CLSTN2: variants seen among roughly 807,000 people sequenced by gnomAD.
CLSTN2 encodes the protein calsyntenin 2, also known as calsyntenin-2.
In CLSTN2, 48 loss-of-function variants were observed where a neutral mutation model predicts 101.2. The ratio of observed to expected loss-of-function variants is 0.47; its 90% CI spans 0.38 to 0.60. The LOEUF (loss-of-function observed/expected upper bound fraction) is 0.60, where lower values mean the gene tolerates loss of function less well. Among genes scored for constraint, CLSTN2 ranks in the 20% least tolerant of loss-of-function variants. The pLI is 0.00. For missense variants in CLSTN2, 1,160 were observed against 1,238.2 expected (o/e 0.94, Z 0.95); for synonymous variants, 481 against 463.6 (o/e 1.04, Z -0.48).
intron 2 of CLSTN2, among the ~76,000 whole-genome samples, chr3:140,295,186 A>T (rs188802512): frequency 6.6e-6 from 1 of 152,144 alleles, no homozygotes; most frequent in African/African-American, 2.4e-5. Context: ...TTTTATTATA[A>T]GTGAGTATGA....
chr3:140,251,579 C>CTTCTG (rs2086563569), intron 2 of CLSTN2, among the ~76,000 whole-genome samples: 1 of 53,022 alleles, frequency 1.9e-5, no homozygotes, highest in Non-Finnish European at 4.2e-5. Flanking sequence ...CAACTCTTAG[C>CTTCTG]TTCCGTTCCT....
intron 2 of CLSTN2, among the ~76,000 whole-genome samples, chr3:140,320,280 A>G (rs2087269347): frequency 6.6e-6 from 1 of 152,136 alleles, no homozygotes; most frequent in Admixed American, 6.5e-5. Flanking sequence ...GTTCACTTCC[A>G]TTTTCAGTTT....
At chr3:140,443,184 G>A (rs575909210) in intron 5 of CLSTN2, among the ~76,000 whole-genome samples, 1 of 152,252 alleles carries the variant, frequency 6.6e-6, no homozygotes, top group Non-Finnish European at 1.5e-5. Context: ...CCAGCCATTG[G>A]AAGCTGAGAC....
intron 2 of CLSTN2, 28 bp from the exon 3 acceptor site, chr3:140,403,601 C>G (rs1189482477): frequency 1.3e-6 from 2 of 1,567,078 alleles, no homozygotes; most frequent in South Asian, 2.4e-5. Flanking sequence ...CTCAGGATTC[C>G]CACTCACTGT....
chr3:140,494,407 A>G (rs1354107384), intron 8 of CLSTN2, among the ~76,000 whole-genome samples: 1 of 152,202 alleles, frequency 6.6e-6, no homozygotes, highest in Non-Finnish European at 1.5e-5. Context: ...CTTCTGATCA[A>G]GTTCAGCTGA....
At chr3:140,157,414 G>A (rs995377730) in intron 1 of CLSTN2, among the ~76,000 whole-genome samples, 2 of 152,036 alleles carry the variant, frequency 1.3e-5, no homozygotes, top group Non-Finnish European at 2.9e-5. Context: ...ATCCAATTTT[G>A]GAACTTGTTA....
At chr3:140,069,076 G>T (rs1576416106) in intron 1 of CLSTN2, among the ~76,000 whole-genome samples, 1 of 152,296 alleles carries the variant, frequency 6.6e-6, no homozygotes, top group African/African-American at 2.4e-5. Flanking sequence ...GCTAAGGCTT[G>T]GGAAATGTCA....
At chr3:139,985,238 G>C (rs2012512) in intron 1 of CLSTN2, among the ~76,000 whole-genome samples, 1 of 151,964 alleles carries the variant, frequency 6.6e-6, no homozygotes, top group Non-Finnish European at 1.5e-5. Flanking sequence ...TCCTCTATCT[G>C]AAATCTAAAC....
Position 140,262,148 on chromosome 3 carries a change from T to C in CLSTN2, c.232+86075T>C, listed in dbSNP as rs147879688. 2.8e-4 allele frequency among the ~76,000 whole-genome samples: 43 copies of C among 152,316 alleles called. No homozygotes were observed. The East Asian group carries it at 7.9e-3, about 28-fold the overall frequency. ...ACCTTGGCAGGGTTTTGTGTTTATATTTACTGTGTTTATAAGCATGTTTAT... is the reference window on the plus strand; with the variant it reads ...ACCTTGGCAGGGTTTTGTGTTTATACTTACTGTGTTTATAAGCATGTTTAT... On this transcript the variant is annotated intron_variant, in intron 2 of 16. Transcript: ENST00000458420.
intron 2 of CLSTN2, among the ~76,000 whole-genome samples, chr3:140,194,245 A>T (rs557271128): frequency 6.6e-6 from 1 of 152,226 alleles, no homozygotes; most frequent in East Asian, 1.9e-4. Flanking sequence ...GTGAGGGCTC[A>T]TCTCCTGGTT....
intron 2 of CLSTN2, among the ~76,000 whole-genome samples, chr3:140,349,416 A>T (rs2087583313): frequency 6.6e-6 from 1 of 152,258 alleles, no homozygotes; most frequent in African/African-American, 2.4e-5. Flanking sequence ...AAAGGAAGTT[A>T]GTATAGGAAT....
chr3:140,193,115 C>T (rs1243109579), intron 2 of CLSTN2, among the ~76,000 whole-genome samples: 2 of 151,686 alleles, frequency 1.3e-5, no homozygotes, highest in South Asian at 2.1e-4. Context: ...ATGCTTAGAG[C>T]CGTATCAGTA....
chr3:140,112,367 G>GTT (rs1301328116), intron 1 of CLSTN2, among the ~76,000 whole-genome samples: 134 of 151,404 alleles, frequency 8.9e-4, no homozygotes, highest in African/African-American at 3.1e-3. Flanking sequence ...GTGTGTGTGT[G>GTT]TGTTTTTTAC....
chr3:140,272,316 C>T (rs1289891721), intron 2 of CLSTN2, among the ~76,000 whole-genome samples: 2 of 152,176 alleles, frequency 1.3e-5, no homozygotes, highest in Non-Finnish European at 2.9e-5. Context: ...ATGCCAGACA[C>T]AGAGTAACCA....
At chr3:140,452,959 C>T (rs950653032) in intron 6 of CLSTN2, among the ~76,000 whole-genome samples, 3 of 152,186 alleles carry the variant, frequency 2.0e-5, no homozygotes, top group African/African-American at 7.2e-5. Context: ...GCCATCTAGG[C>T]ACCAGGCTTT....
intron 2 of CLSTN2, among the ~76,000 whole-genome samples, chr3:140,368,961 A>G (rs1006305371): frequency 7.9e-5 from 12 of 152,204 alleles, no homozygotes; most frequent in African/African-American, 2.7e-4. Context: ...TAGAAAGGCA[A>G]GCAAAGCCTT....
chr3:140,196,915 T>C (rs1238200164), intron 2 of CLSTN2, among the ~76,000 whole-genome samples: 1 of 152,150 alleles, frequency 6.6e-6, no homozygotes, highest in African/African-American at 2.4e-5. Context: ...TTTTCAGAGG[T>C]CGTTGGCAAT....
At chr3:140,027,635 G>A (rs542319840) in intron 1 of CLSTN2, among the ~76,000 whole-genome samples, 1 of 152,244 alleles carries the variant, frequency 6.6e-6, no homozygotes, top group African/African-American at 2.4e-5. Context: ...CAGTGTGAAG[G>A]CATCATCCTG....
intron 8 of CLSTN2, among the ~76,000 whole-genome samples, chr3:140,527,897 A>T (rs538919129): frequency 6.6e-6 from 1 of 152,294 alleles, no homozygotes; most frequent in African/African-American, 2.4e-5. Flanking sequence ...TATAGGAATG[A>T]TAGACACTGG....
Sources: gnomAD v4.1 joint callset for allele counts (sites outside exome capture counted in the v4.1 genomes callset) on GRCh38, gnomAD v4.1.1 for gene constraint, MANE v1.5 for transcripts, NCBI Gene and HGNC (gene_info 2026-07-23, HGNC 2026-07-21) for gene names.